The following UGT1A8 variants were observed in gnomAD, a reference collection of about 807,000 sequenced individuals.
UGT1A8 encodes UDP glucuronosyltransferase family 1 member A8.
A neutral mutation model predicts 45.3 loss-of-function variants in UGT1A8; 39 were observed. The observed-to-expected ratio is 0.86, with a 90% CI of 0.67 to 1.12. The LOEUF is 1.12. UGT1A8 is among the 50% of genes most tolerant of loss of function. The pLI, the probability that UGT1A8 is intolerant of heterozygous loss-of-function variation, is 0.00. For missense variants in UGT1A8, 719 were observed against 664.9 expected, an observed-to-expected ratio of 1.08 and a Z score of -0.90; for synonymous variants, 275 against 249.2, an observed-to-expected ratio of 1.10 and a Z score of -0.97.
At chr2:233,758,953 C>T (rs1697026708) in intron 1 of UGT1A8, among the ~76,000 whole-genome samples, 1 of 152,184 alleles carries the variant, frequency 6.6e-6, no homozygotes. Flanking sequence ...ATCAGAATTT[C>T]CCCAAATGCC....
intron 4 of UGT1A8, among the ~76,000 whole-genome samples, 167 bp from the exon 5 acceptor site, chr2:233,772,095 A>T (rs35172078): frequency 0.012 from 1,767 of 152,322 alleles, 16 homozygotes; most frequent in Middle Eastern, 0.031. Context: ...CCCGGGCAAC[A>T]GGGCAAGACT....
intron 1 of UGT1A8, among the ~76,000 whole-genome samples, chr2:233,699,825 A>G (rs556434145): frequency 1.3e-5 from 2 of 152,320 alleles, no homozygotes; most frequent in South Asian, 2.1e-4. Flanking sequence ...GTAGTTCTCA[A>G]ATAGAACTAA....
At chr2:233,719,992 A>G (rs1452889114) in intron 1 of UGT1A8, among the ~76,000 whole-genome samples, 2 of 152,184 alleles carry the variant, frequency 1.3e-5, no homozygotes, top group African/African-American at 4.8e-5. Flanking sequence ...GATCAGGGAC[A>G]CTACATTCAG....
intron 1 of UGT1A8, among the ~76,000 whole-genome samples, chr2:233,659,858 A>T (rs80036991): frequency 6.6e-6 from 1 of 152,152 alleles, no homozygotes; most frequent in African/African-American, 2.4e-5. Flanking sequence ...AGATTGTCTA[A>T]TGTCAATTTA....
intron 1 of UGT1A8, among the ~76,000 whole-genome samples, chr2:233,662,115 A>G (rs2125489992): frequency 6.6e-6 from 1 of 152,342 alleles, no homozygotes; most frequent in South Asian, 2.1e-4. Context: ...TTAATGCTGC[A>G]AACTTACCTT....
At chr2:233,760,188 C>T (rs1697341455) in intron 1 of UGT1A8, 3 of 1,563,658 alleles carry the variant, frequency 1.9e-6, no homozygotes, top group East Asian at 2.3e-5. Flanking sequence ...TTTATAGTCA[C>T]GTGACACAGT....
intron 1 of UGT1A8, chr2:233,729,506 CT>C (rs2077870453): frequency 6.2e-7 from 1 of 1,614,044 alleles, no homozygotes; most frequent in African/African-American, 1.3e-5. Flanking sequence ...TATCATAGGT[CT>C]TGTGTGGAGC....
intron 1 of UGT1A8, chr2:233,761,093 T>G: frequency 6.2e-7 from 1 of 1,614,222 alleles, no homozygotes; most frequent in Non-Finnish European, 8.5e-7. Flanking sequence ...AGGCCCATCA[T>G]GCCCAATATG....
At chr2:233,673,816 A>T (rs1172625235) in intron 1 of UGT1A8, among the ~76,000 whole-genome samples, 1 of 152,082 alleles carries the variant, frequency 6.6e-6, no homozygotes, top group Non-Finnish European at 1.5e-5. Context: ...AACTTATCTT[A>T]TTATTTTGTA....
At chr2:233,673,444 T>C (rs2074258854) in intron 1 of UGT1A8, among the ~76,000 whole-genome samples, 1 of 152,174 alleles carries the variant, frequency 6.6e-6, no homozygotes, top group Admixed American at 6.6e-5. Context: ...TAAACACTCT[T>C]TAATACTTTC....
intron 1 of UGT1A8, among the ~76,000 whole-genome samples, chr2:233,668,419 T>C (rs1248654559): frequency 6.6e-6 from 1 of 152,212 alleles, no homozygotes; most frequent in Non-Finnish European, 1.5e-5. Flanking sequence ...TATTCCATGG[T>C]GTATATGTGC....
chr2:233,716,641 A>C (rs1322412642), intron 1 of UGT1A8, among the ~76,000 whole-genome samples: 1 of 152,130 alleles, frequency 6.6e-6, no homozygotes, highest in Non-Finnish European at 1.5e-5. Context: ...TATCGTTTGT[A>C]CTTTTTGTAC....
At chr2:233,727,474 C>A (rs2077619427) in intron 1 of UGT1A8, among the ~76,000 whole-genome samples, 1 of 152,182 alleles carries the variant, frequency 6.6e-6, no homozygotes, top group Non-Finnish European at 1.5e-5. Context: ...AAATAAAACA[C>A]TACTACTTGG....
intron 1 of UGT1A8, among the ~76,000 whole-genome samples, chr2:233,652,320 T>C (rs2073761439): frequency 1.3e-5 from 2 of 152,238 alleles, no homozygotes; most frequent in Admixed American, 1.3e-4. Context: ...TACAGTGTAA[T>C]GAGCACCCAT....
chr2:233,768,255 G>A lies in UGT1A8; in HGVS notation c.1111G>A (p.Gly371Ser), dbSNP rs1276913504. The A allele has an allele frequency of 1.2e-6, 2 of 1,614,166 alleles. No homozygotes were observed. Among genetic ancestry groups the A allele is most frequent in the Non-Finnish European group, 8.5e-7 (1 of 1,180,040 alleles). ...PMTRAFITHAGSHGVYESICN... is the reference protein window; with the variant it reads ...PMTRAFITHASSHGVYESICN... Reference sequence around the variant, plus strand: ...GACCCGTGCCTTTATCACCCATGCTGGTTCCCATGGTGTTTATGAAAGCAT... The same window carrying A: ...GACCCGTGCCTTTATCACCCATGCTAGTTCCCATGGTGTTTATGAAAGCAT... The change falls in exon 4 of 5, where the codon GGT becomes AGT. Residue 371 changes from glycine to serine, a missense_variant. Gly to Ser is a moderately conservative substitution (Grantham distance 56, BLOSUM62 0). Coordinates refer to ENST00000373450, the MANE Select transcript of UGT1A8 (RefSeq NM_019076.5).
chr2:233,682,918 C>A (rs2074606879), intron 1 of UGT1A8: 2 of 1,480,400 alleles, frequency 1.4e-6, no homozygotes, highest in Non-Finnish European at 1.8e-6. Flanking sequence ...TTAAGGAATT[C>A]TTTTGTACCA....
chr2:233,617,745 G>A lies in UGT1A8; in HGVS notation c.38G>A (p.Cys13Tyr), dbSNP rs1159173771. 3.1e-6 allele frequency: 5 copies of A among 1,614,042 alleles called. No individual in the cohort carries two copies. The highest frequency in any genetic ancestry group is 1.7e-5 in the Admixed American group (1 of 60,000). Residue 13 changes from cysteine to tyrosine, a missense_variant, in exon 1 of 5, where the codon TGT (cysteine) becomes TAT (tyrosine). Physicochemically the swap from Cys to Tyr is radical, Grantham distance 194. Transcript: ENST00000373450. ...RTGWTSPIPL[C>Y]VSLLLTCGFA... ...GGGTGGACCAGCCCCATTCCCCTAT[G>A]TGTTTCTCTGCTGCTGACCTGTGGC...
At chr2:233,655,795 T>A (rs2125481961) in intron 1 of UGT1A8, among the ~76,000 whole-genome samples, 1 of 152,318 alleles carries the variant, frequency 6.6e-6, no homozygotes, top group East Asian at 1.9e-4. Flanking sequence ...GGGGTTGGCT[T>A]TGAGCCCCAG....
intron 1 of UGT1A8, among the ~76,000 whole-genome samples, chr2:233,756,911 G>A (rs1386201221): frequency 6.6e-6 from 1 of 152,014 alleles, no homozygotes; most frequent in African/African-American, 2.4e-5. Flanking sequence ...ACAAACTTCT[G>A]AGTTTATATA....
Sources: allele counts gnomAD v4.1 joint callset (sites outside exome capture counted in the v4.1 genomes callset), GRCh38; gene constraint gnomAD v4.1.1; transcripts MANE v1.5; gene names NCBI Gene and HGNC (gene_info 2026-07-23, HGNC 2026-07-21).